Variants in GMDS observed in about 807,000 individuals in gnomAD.
GMDS encodes GDP-mannose 4,6-dehydratase.
GMDS carries 20 observed loss-of-function variants against 49.9 expected under a neutral mutation model. The observed-to-expected ratio is 0.40, with a 90% CI of 0.28 to 0.58. The LOEUF (loss-of-function observed/expected upper bound fraction) is 0.58, where lower values mean the gene tolerates loss of function less well. GMDS is among the 20% of genes least tolerant of loss of function. The pLI, the probability that GMDS is intolerant of heterozygous loss-of-function variation, is 0.42. For missense variants in GMDS, 362 were observed against 481.4 expected, an observed-to-expected ratio of 0.75 and a Z score of 2.32; for synonymous variants, 177 against 178.6, an observed-to-expected ratio of 0.99 and a Z score of 0.07.
Position 1,726,497 on chromosome 6 carries a change from A to G in GMDS, c.906T>C (p.Asn302=), listed in dbSNP as rs1369743495. ...CTTTACATCTGCCCACTTCATTTTC[A>G]TTCTTTCCTTCCCACCTGTAAGGAA... is the stretch of plus-strand genomic sequence containing the variant. The part of the protein sequence containing the change: ...IGKTIVWEGK[N]ENEVGRCKET... Residue 302 remains asparagine, a synonymous_variant, in exon 9 of 11, where the codon AAT becomes AAC. Transcript: ENST00000380815. The G allele has an allele frequency of 1.7e-5, 28 of 1,611,638 alleles. No homozygotes were observed. The highest frequency in any genetic ancestry group is 2.1e-5 in the Non-Finnish European group (25 of 1,177,838).
At chr6:1,948,467 TA>T (rs1286680770) in intron 6 of GMDS, among the ~76,000 whole-genome samples, 3 of 152,020 alleles carry the variant, frequency 2.0e-5, no homozygotes, top group African/African-American at 7.2e-5. Flanking sequence ...ACAGGACCAT[TA>T]AAAAAATACA....
chr6:1,696,197 G>T (rs184031304), intron 9 of GMDS, among the ~76,000 whole-genome samples: 2 of 152,312 alleles, frequency 1.3e-5, no homozygotes, highest in East Asian at 3.9e-4. Context: ...AATGTAATGA[G>T]ACCCTTTGAC....
intron 7 of GMDS, among the ~76,000 whole-genome samples, chr6:1,915,526 G>C (rs565915486): frequency 3.3e-5 from 5 of 152,352 alleles, no homozygotes; most frequent in South Asian, 2.1e-4. Context: ...GGCCGAGAAT[G>C]CATGCTCCAG....
intron 7 of GMDS, among the ~76,000 whole-genome samples, chr6:1,751,264 T>G (rs1031044761): frequency 1.3e-5 from 2 of 152,208 alleles, no homozygotes; most frequent in African/African-American, 4.8e-5. Flanking sequence ...CTGACCCCCG[T>G]GCCTCCTGAC....
At chr6:2,002,814 C>T (rs1766910007) in intron 4 of GMDS, among the ~76,000 whole-genome samples, 2 of 152,062 alleles carry the variant, frequency 1.3e-5, no homozygotes, top group South Asian at 4.2e-4. Context: ...AGTGTTACAC[C>T]TGTAAAAAAT....
At chr6:1,983,496 C>T (rs1346338221) in intron 4 of GMDS, among the ~76,000 whole-genome samples, 2 of 152,056 alleles carry the variant, frequency 1.3e-5, no homozygotes, top group Non-Finnish European at 2.9e-5. Flanking sequence ...AAAGGTCTAA[C>T]ATCCATCATC....
At chr6:1,902,162 G>A (rs758340693) in intron 7 of GMDS, among the ~76,000 whole-genome samples, 9 of 152,246 alleles carry the variant, frequency 5.9e-5, no homozygotes, top group South Asian at 4.1e-4. Flanking sequence ...ATTTAAAATC[G>A]GCAATGGGGC....
At chr6:1,897,954 A>T (rs9391937) in intron 7 of GMDS, among the ~76,000 whole-genome samples, 4,845 of 20,472 alleles carry the variant, frequency 0.24, 633 homozygotes, top group African/African-American at 0.32. Flanking sequence ...TATCCTGGCC[A>T]CCCTTGCCAT....
chr6:2,205,905 C>T (rs561240025), intron 1 of GMDS, among the ~76,000 whole-genome samples: 136 of 152,194 alleles, frequency 8.9e-4, no homozygotes, highest in African/African-American at 3.1e-3. Flanking sequence ...TCAGTTTAGG[C>T]TGGTTGTCCT....
In GMDS at chr6:1,742,351, C is replaced by G. The variant is rs1037634551; in HGVS notation, c.890+117G>C. On this transcript the variant is annotated intron_variant, in intron 8 of 10. Coordinates refer to ENST00000380815, the MANE Select transcript of GMDS (RefSeq NM_001500.4). ...AGGCCCCACTCTACACTGAAACTTTCTGTATTGCTCTTCAGGAGAGTGAAG... is the reference window on the plus strand; with the variant it reads ...AGGCCCCACTCTACACTGAAACTTTGTGTATTGCTCTTCAGGAGAGTGAAG... 3 of 653,018 alleles carry G rather than the reference C, an allele frequency of 4.6e-6. No individual in the cohort carries two copies. The African/African-American group carries it at 5.4e-5, about 12-fold the overall frequency. The allele number at this position is 653,018 out of a possible 1,614,324, so 40.5% of individuals were successfully genotyped here.
chr6:2,209,615 T>C (rs999767020), intron 1 of GMDS, among the ~76,000 whole-genome samples: 1 of 151,870 alleles, frequency 6.6e-6, no homozygotes, highest in African/African-American at 2.4e-5. Context: ...GTTCTCTCTC[T>C]CTCTCTCTCT....
At chr6:1,684,967 G>A (rs1285239644) in intron 9 of GMDS, among the ~76,000 whole-genome samples, 1 of 151,538 alleles carries the variant, frequency 6.6e-6, no homozygotes, top group Non-Finnish European at 1.5e-5. Context: ...CTTAAGTGTT[G>A]CTTTTCTCCT....
chr6:2,132,053 T>C (rs1775768401), intron 1 of GMDS, among the ~76,000 whole-genome samples: 1 of 152,196 alleles, frequency 6.6e-6, no homozygotes. Context: ...CTCTTCATAA[T>C]AACCCCATGT....
chr6:1,754,602 T>A (rs981196271), intron 7 of GMDS, among the ~76,000 whole-genome samples: 1 of 152,210 alleles, frequency 6.6e-6, no homozygotes, highest in Admixed American at 6.5e-5. Context: ...CCAATATCCC[T>A]GATGAACATC....
At chr6:2,110,271 T>C (rs1774473198) in intron 4 of GMDS, among the ~76,000 whole-genome samples, 1 of 122,652 alleles carries the variant, frequency 8.2e-6, no homozygotes. Context: ...CCCCAAGAGG[T>C]TCAGGCTTCC....
chr6:1,675,325 T>C (rs1483586230), intron 9 of GMDS, among the ~76,000 whole-genome samples: 1 of 152,358 alleles, frequency 6.6e-6, no homozygotes, highest in Admixed American at 6.5e-5. Flanking sequence ...CAGGATTTTT[T>C]TTTTTTTTTG....
At chr6:1,991,954 A>G (rs1370473202) in intron 4 of GMDS, among the ~76,000 whole-genome samples, 1 of 152,226 alleles carries the variant, frequency 6.6e-6, no homozygotes, top group African/African-American at 2.4e-5. Flanking sequence ...CTCCACGGCA[A>G]GGAAGGCCAA....
chr6:2,163,496 G>C (rs1777511434), intron 1 of GMDS, among the ~76,000 whole-genome samples: 1 of 152,108 alleles, frequency 6.6e-6, no homozygotes, highest in African/African-American at 2.4e-5. Flanking sequence ...AGGCTGAGAA[G>C]TCCCAAGATC....
chr6:2,229,408 CAAAAAAAAA>C (rs1210456971), intron 1 of GMDS, among the ~76,000 whole-genome samples: 2 of 89,242 alleles, frequency 2.2e-5, no homozygotes, highest in South Asian at 3.5e-4. Flanking sequence ...CCTGTTTCTA[CAAAAAAAAA>C]AAAAAAAAAA....
Sources: allele counts gnomAD v4.1 joint callset (sites outside exome capture counted in the v4.1 genomes callset), GRCh38; gene constraint gnomAD v4.1.1; transcripts MANE v1.5; gene names NCBI Gene and HGNC (gene_info 2026-07-23, HGNC 2026-07-21).